The following PGLYRP4 variants were observed in gnomAD, a reference collection of about 807,000 sequenced individuals.
PGLYRP4 encodes the protein peptidoglycan recognition protein 4, also known as PGRP-I-beta.
A neutral mutation model predicts 41.2 loss-of-function variants in PGLYRP4; 39 were observed. The ratio of observed to expected loss-of-function variants is 0.95; its 90% confidence interval spans 0.73 to 1.24. The LOEUF (loss-of-function observed/expected upper bound fraction) is 1.24, where lower values mean the gene tolerates loss of function less well. Ranked by LOEUF, PGLYRP4 falls within the 50% of genes most tolerant of loss-of-function variation. The probability of loss-of-function intolerance (pLI) is 0.00; values close to 1 mark genes in which losing one functional copy is unlikely to be tolerated. For missense variants in PGLYRP4, 467 were observed against 460.7 expected (o/e 1.01, Z -0.13); for synonymous variants, 202 against 186.8 (o/e 1.08, Z -0.66).
At chr1:153,330,988 C>A in intron 8 of PGLYRP4, 43 bp from the exon 9 acceptor site, 1 of 1,545,176 alleles carries the variant, frequency 6.5e-7, no homozygotes, top group Non-Finnish European at 8.9e-7. Context: ...TTACAGGGCA[C>A]CCTGCAAAAT....
rs764922626 is a variant in PGLYRP4 at position 153,337,312 on chromosome 1, A to G, written c.825-13T>C. On this transcript the variant is annotated splice_polypyrimidine_tract_variant and intron_variant, in intron 7 of 8. Transcript: ENST00000359650. The stretch of plus-strand genomic sequence containing the variant: ...GCCCACCAGGAAGCTAGAGGACCAC[A>G]AGGGGAGATGGAGACCAGCATGAAA... 13 of 1,491,664 alleles carry G rather than the reference A, an allele frequency of 8.7e-6. No homozygotes were observed. Among genetic ancestry groups the G allele is most frequent in the Non-Finnish European group, 1.2e-5 (13 of 1,081,472 alleles). The allele number at this position is 1,491,664 out of a possible 1,614,324, so 92.4% of individuals were successfully genotyped here.
intron 8 of PGLYRP4, among the ~76,000 whole-genome samples, chr1:153,331,384 A>G (rs1457866671): frequency 6.6e-6 from 1 of 152,184 alleles, no homozygotes; most frequent in African/African-American, 2.4e-5. Context: ...CAAAATATCA[A>G]TTGTACTGAG....
intron 7 of PGLYRP4, 113 bp downstream of exon 7, chr1:153,340,268 T>C (rs1660738493): frequency 2.2e-6 from 2 of 905,756 alleles, no homozygotes; most frequent in Admixed American, 3.9e-5. Context: ...ATCCATACAG[T>C]GCCTCTCCTA....
chr1:153,341,584 T>TGAGC, intron 6 of PGLYRP4, 43 bp downstream of exon 6: 2 of 1,569,740 alleles, frequency 1.3e-6, no homozygotes, highest in Non-Finnish European at 1.7e-6. Flanking sequence ...TTAGTTGGGG[T>TGAGC]GAGCCCAGTG....
At chr1:153,337,153 G>C in intron 8 of PGLYRP4, 28 bp downstream of exon 8, 1 of 1,397,876 alleles carries the variant, frequency 7.2e-7, no homozygotes, top group Non-Finnish European at 1.0e-6. Context: ...ACCATGCAAT[G>C]ACCCTACTGA....
At chr1:153,344,886 T>G in intron 4 of PGLYRP4, 1 of 292,388 alleles carries the variant, frequency 3.4e-6, no homozygotes, top group Non-Finnish European at 6.5e-6. Context: ...GAGGAAGTCG[T>G]TTGCAATCTG....
At chr1:153,345,641 A>G (rs1041599248) in intron 3 of PGLYRP4, among the ~76,000 whole-genome samples, 1 of 152,202 alleles carries the variant, frequency 6.6e-6, no homozygotes, top group Non-Finnish European at 1.5e-5. Context: ...GCTGTGGTCC[A>G]GGCTCTGCAC....
Position 153,347,277 on chromosome 1 carries a change from T to A in PGLYRP4, c.49+607A>T, listed in dbSNP as rs145987332. On this transcript the variant is annotated intron_variant, in intron 2 of 8. Coordinates refer to ENST00000359650, the MANE Select transcript of PGLYRP4 (RefSeq NM_020393.4). ...GATGGTCTCGATCTCTTGACCTCCT[T>A]ATCTGCATGCCTCGGCTTCCCAAAG... 4.1e-3 allele frequency among the ~76,000 whole-genome samples: 617 copies of A among 151,040 alleles called. 4 individuals carry two copies. Among genetic ancestry groups the A allele is most frequent in the African/African-American group, 0.014 (592 of 41,120 alleles).
At chr1:153,332,288 C>A (rs1005465030) in intron 8 of PGLYRP4, among the ~76,000 whole-genome samples, 1 of 151,970 alleles carries the variant, frequency 6.6e-6, no homozygotes, top group African/African-American at 2.4e-5. Flanking sequence ...TATATATGCA[C>A]CCAACTCATA....
Position 153,345,464 on chromosome 1 carries a change from G to A in PGLYRP4, c.140-82C>T, listed in dbSNP as rs990979344. On this transcript the variant is annotated intron_variant, in intron 3 of 8. Coordinates refer to ENST00000359650, the MANE Select transcript of PGLYRP4 (RefSeq NM_020393.4). Reference sequence around the variant, plus strand: ...TGAACATGCAGGCATGGGCTGTGTCGGCCCCTTGGTAGTGGAAGAGCCTTC... The same window carrying A: ...TGAACATGCAGGCATGGGCTGTGTCAGCCCCTTGGTAGTGGAAGAGCCTTC... 36 of 1,292,884 alleles carry A rather than the reference G, an allele frequency of 2.8e-5. 1 individual carries two copies. Among genetic ancestry groups the A allele is most frequent in the East Asian group, 7.0e-5 (3 of 43,136 alleles). 80.1% of individuals were successfully genotyped at this position (1,292,884 alleles called of 1,614,324 possible). A position where few individuals can be genotyped will look rare whatever the true frequency, so the allele number is the denominator to read the frequency against.
chr1:153,338,073 A>T lies in PGLYRP4; in HGVS notation c.825-774T>A, dbSNP rs139499336. ...ACTTCCTTGGCTTCAGTTGCTATCCATGAAAGTCCGCACGTTCACAACTGG... is the reference window on the plus strand; with the variant it reads ...ACTTCCTTGGCTTCAGTTGCTATCCTTGAAAGTCCGCACGTTCACAACTGG... On this transcript the variant is annotated intron_variant, in intron 7 of 8. Transcript: ENST00000359650. Among the ~76,000 whole-genome samples the T allele has an allele frequency of 4.4e-3, 666 of 152,268 alleles. 9 individuals carry two copies. Among genetic ancestry groups the T allele is most frequent in the African/African-American group, 0.016 (645 of 41,548 alleles).
At chr1:153,343,663 A>G (rs950975384) in intron 4 of PGLYRP4, among the ~76,000 whole-genome samples, 4 of 152,188 alleles carry the variant, frequency 2.6e-5, no homozygotes, top group African/African-American at 9.7e-5. Flanking sequence ...ATAGCTCCTG[A>G]GACAGGGACG....
intron 8 of PGLYRP4, among the ~76,000 whole-genome samples, chr1:153,335,616 T>TAAAAATTAAAAAATTAG (rs1660522663): frequency 2.0e-5 from 3 of 151,988 alleles, no homozygotes; most frequent in African/African-American, 7.3e-5. Context: ...TCCTAGCTAC[T>TAAAAATTAAAAAATTAG]CGGGAGGCTG....
At position 153,340,384 on chromosome 1, in the gene PGLYRP4, T is replaced by A. The variant is rs1454850235; in HGVS notation, c.821A>T (p.Tyr274Phe). The A allele has an allele frequency of 6.2e-7, 1 of 1,614,002 alleles. No homozygotes were observed. Reference sequence around the variant, plus strand: ...CAGTGTACCCAGACCCACTCACTTATAACCAATGTCGCATGACTTGAGCCT... The same window carrying A: ...CAGTGTACCCAGACCCACTCACTTAAAACCAATGTCGCATGACTTGAGCCT... ...IDRLKSCDIGYNFLVGQDGAI... is the reference protein window; with the variant it reads ...IDRLKSCDIGFNFLVGQDGAI... The change falls in exon 7 of 9, where the codon TAT becomes TTT. Residue 274 changes from tyrosine (Y) to phenylalanine (F), a missense_variant. Tyr to Phe is a conservative substitution (Grantham distance 22, BLOSUM62 3). Transcript: ENST00000359650.
intron 8 of PGLYRP4, among the ~76,000 whole-genome samples, chr1:153,333,072 G>A (rs781630430): frequency 3.3e-5 from 5 of 151,380 alleles, no homozygotes; most frequent in Non-Finnish European, 7.4e-5. Flanking sequence ...TGAGCATTTG[G>A]TCTCTATATG....
At chr1:153,331,058 C>A in intron 8 of PGLYRP4, 113 bp from the exon 9 acceptor site, 1 of 826,752 alleles carries the variant, frequency 1.2e-6, no homozygotes, top group Non-Finnish European at 1.8e-6. Flanking sequence ...TGTTGGCAGC[C>A]TCCCTAGAGA....
intron 7 of PGLYRP4, 25 bp downstream of exon 7, chr1:153,340,356 G>A: frequency 6.2e-7 from 1 of 1,603,176 alleles, no homozygotes; most frequent in East Asian, 2.2e-5. Flanking sequence ...GGGAAAAGAA[G>A]CCCAGTGTAC....
chr1:153,330,874 G>T lies in PGLYRP4; in HGVS notation c.1015C>A (p.Leu339Met), dbSNP rs144710000. Reference sequence around the variant, plus strand: ...CCCACCAGCAGGTAGTTGGGAGTCAGGTACCCTTTGACCATGGCACACTGG... The same window carrying T: ...CCCACCAGCAGGTAGTTGGGAGTCATGTACCCTTTGACCATGGCACACTGG... ...LIQCAMVKGY[L>M]TPNYLLVGHS... The change falls in exon 9 of 9, where the codon CTG (leucine) becomes ATG (methionine). Residue 339 changes from leucine (L) to methionine (M), a missense_variant. By Grantham distance (15) the Leu-to-Met change is conservative. Transcript: ENST00000359650. 6.2e-7 allele frequency: 1 copy of T among 1,613,930 alleles called. No individual in the cohort carries two copies. The highest frequency in any genetic ancestry group is 1.3e-5 in the African/African-American group (1 of 74,898).
chr1:153,340,855 T>G (rs1001200840), intron 6 of PGLYRP4, among the ~76,000 whole-genome samples: 1 of 152,264 alleles, frequency 6.6e-6, no homozygotes, highest in Non-Finnish European at 1.5e-5. Context: ...TGTTAACAGA[T>G]GGCACCAGAG....
Sources: allele counts gnomAD v4.1 joint callset (sites outside exome capture counted in the v4.1 genomes callset), GRCh38; gene constraint gnomAD v4.1.1; transcripts MANE v1.5; gene names NCBI Gene and HGNC (gene_info 2026-07-23, HGNC 2026-07-21).